CAMTA1: variants seen among roughly 807,000 people sequenced by gnomAD.
CAMTA1 encodes calmodulin binding transcription activator 1, also known as calmodulin-binding transcription activator 1.
In CAMTA1, 27 loss-of-function variants were observed where a neutral mutation model predicts 170.9. The observed-to-expected ratio is 0.16, with a 90% CI of 0.12 to 0.22. The LOEUF (loss-of-function observed/expected upper bound fraction) is 0.22. Ranked by LOEUF, CAMTA1 falls within the 10% of genes least tolerant of loss-of-function variation. The pLI is 1.00. For missense variants in CAMTA1, 1,619 were observed against 2,217.2 expected (o/e 0.73, Z 5.42); for synonymous variants, 833 against 891.5 (o/e 0.93, Z 1.17).
intron 12 of CAMTA1, among the ~76,000 whole-genome samples, chr1:7,734,493 G>A (rs2096756624): frequency 6.6e-6 from 1 of 151,898 alleles, no homozygotes; most frequent in Non-Finnish European, 1.5e-5. Context: ...TTCAGTAAAT[G>A]TCCGTGTTTG....
intron 5 of CAMTA1, among the ~76,000 whole-genome samples, chr1:7,276,303 A>ATATTTTTTTTTTTT: frequency 1.7e-4 from 4 of 24,228 alleles, no homozygotes; most frequent in East Asian, 3.0e-3. Context: ...ATATATATAT[A>ATATTTTTTTTTTTT]TTTTTTTTTT....
chr1:7,520,076 T>G (rs1443663005), intron 6 of CAMTA1, among the ~76,000 whole-genome samples: 2 of 149,336 alleles, frequency 1.3e-5, no homozygotes, highest in Non-Finnish European at 1.5e-5. Flanking sequence ...GCTCTCTTTG[T>G]GGACTCCCCA....
chr1:6,798,267 T>C (rs10864641), intron 1 of CAMTA1, among the ~76,000 whole-genome samples: 28,894 of 151,852 alleles, frequency 0.19, 2,827 homozygotes, highest in East Asian at 0.29. Flanking sequence ...GGATTACAGG[T>C]GTGAGCTACC....
chr1:7,281,104 A>G (rs941501795), intron 5 of CAMTA1, among the ~76,000 whole-genome samples: 5 of 152,252 alleles, frequency 3.3e-5, no homozygotes, highest in East Asian at 3.9e-4. Context: ...TATTCACCCA[A>G]CCAGCCACTT....
At position 7,542,334 on chromosome 1, in the gene CAMTA1, TATAAG is replaced by T. The variant is rs201330153; in HGVS notation, c.510+74436_510+74440del. Among the ~76,000 whole-genome samples the T allele has an allele frequency of 5.5e-3, 837 of 152,316 alleles. 3 individuals carry two copies. Among genetic ancestry groups the T allele is most frequent in the African/African-American group, 0.018 (740 of 41,574 alleles). On this transcript the variant is annotated intron_variant, in intron 6 of 22. Transcript: ENST00000303635. ...TTTTTTCTTTTCACAAAGTTGATAA[TATAAG>T]ATGAGGTTTAGTGTTTTGCTTTTTT...
At position 6,934,665 on chromosome 1, in the gene CAMTA1, C is replaced by T. The variant is rs1168665363; in HGVS notation, c.234+109455C>T. Among the ~76,000 whole-genome samples the T allele has an allele frequency of 1.3e-5, 2 of 152,114 alleles. No individual in the cohort carries two copies. The highest frequency in any genetic ancestry group is 2.9e-5 in the Non-Finnish European group (2 of 68,002). ...CCGAGATCCCGGGGCAAATGCCTCC[C>T]CTCCCTTCACCACCACCCCCTCCCC... On this transcript the variant is annotated intron_variant, in intron 3 of 22. Transcript: ENST00000303635. The surrounding 1 kb of genome is among the most constrained non-coding windows in gnomAD (Gnocchi z 4.5).
intron 4 of CAMTA1, among the ~76,000 whole-genome samples, chr1:7,192,086 G>A (rs940743342): frequency 6.6e-6 from 1 of 152,218 alleles, no homozygotes; most frequent in Non-Finnish European, 1.5e-5. Flanking sequence ...ACACATCTGA[G>A]ATGCATTATT....
At chr1:7,474,828 T>C (rs2149585439) in intron 6 of CAMTA1, among the ~76,000 whole-genome samples, 1 of 152,342 alleles carries the variant, frequency 6.6e-6, no homozygotes, top group East Asian at 1.9e-4. Flanking sequence ...AGCAGCTCTT[T>C]GGCAACCCAA....
At chr1:6,823,472 T>G (rs1176489455) in intron 2 of CAMTA1, among the ~76,000 whole-genome samples, 1 of 152,190 alleles carries the variant, frequency 6.6e-6, no homozygotes, top group Non-Finnish European at 1.5e-5. Flanking sequence ...GTTTTTAAAG[T>G]TTTTATACTG....
At chr1:7,231,734 C>T (rs565584205) in intron 4 of CAMTA1, among the ~76,000 whole-genome samples, 2 of 152,334 alleles carry the variant, frequency 1.3e-5, no homozygotes, top group Non-Finnish European at 2.9e-5. Flanking sequence ...CTCCCCTATG[C>T]GGCAGCCAGA....
intron 4 of CAMTA1, among the ~76,000 whole-genome samples, chr1:7,217,570 T>C (rs1004243314): frequency 6.6e-6 from 1 of 152,178 alleles, no homozygotes; most frequent in Non-Finnish European, 1.5e-5. Context: ...TGTATTATGT[T>C]CTACTTGCTG....
At chr1:7,223,415 G>A (rs921073817) in intron 4 of CAMTA1, among the ~76,000 whole-genome samples, 23 of 151,962 alleles carry the variant, frequency 1.5e-4, no homozygotes, top group Non-Finnish European at 2.9e-4. Flanking sequence ...TGTGATGGGA[G>A]GTAGGTGCTA....
At chr1:7,229,966 T>A (rs539795176) in intron 4 of CAMTA1, among the ~76,000 whole-genome samples, 1 of 152,128 alleles carries the variant, frequency 6.6e-6, no homozygotes, top group Non-Finnish European at 1.5e-5. Context: ...CCGGTTGGGC[T>A]GAAGCTCCAA....
chr1:7,267,540 A>T (rs1035277200), intron 5 of CAMTA1, among the ~76,000 whole-genome samples: 8 of 152,172 alleles, frequency 5.3e-5, no homozygotes, highest in Admixed American at 5.2e-4. Context: ...TCTCTGTAGC[A>T]GTGTGCCAGA....
In CAMTA1 at chr1:7,224,679, T is replaced by C. The variant is rs1306420152; in HGVS notation, c.303-24812T>C. Among the ~76,000 whole-genome samples, 1 of 152,148 alleles carries C rather than the reference T, an allele frequency of 6.6e-6. No homozygotes were observed. Among genetic ancestry groups the C allele is most frequent in the African/African-American group, 2.4e-5 (1 of 41,428 alleles). On this transcript the variant is annotated intron_variant, in intron 4 of 22. Coordinates refer to ENST00000303635, the MANE Select transcript of CAMTA1 (RefSeq NM_015215.4). The surrounding 1 kb of genome is among the most constrained non-coding windows in gnomAD (Gnocchi z 5.2). ...GCGCCTCTCCGCTGGTGTCATTGAT[T>C]GCTAAGGGCAAGGCTCTAGGGTTAG...
chr1:7,755,538 C>T, intron 21 of CAMTA1, 100 bp from the exon 22 acceptor site: 1 of 924,922 alleles, frequency 1.1e-6, no homozygotes, highest in South Asian at 1.4e-5. Context: ...AAAAAAGAAA[C>T]CATGTTATAT....
rs1669848072 is a variant in CAMTA1, at chr1:7,271,741, CAAAT to C, written c.438+22119_438+22122del. ...ATAGACAGATAGATGGATAGACAGA[CAAAT>C]AAAAGACCCAGGTGACTAAAATCAG... On this transcript the variant is annotated intron_variant, in intron 5 of 22. Transcript: ENST00000303635. 2.0e-5 allele frequency among the ~76,000 whole-genome samples: 3 copies of C among 151,998 alleles called. No individual in the cohort carries two copies. The South Asian group carries it at 6.2e-4, about 32-fold the overall frequency.
At chr1:6,866,784 G>C (rs1452442284) in intron 3 of CAMTA1, among the ~76,000 whole-genome samples, 1 of 152,114 alleles carries the variant, frequency 6.6e-6, no homozygotes, top group African/African-American at 2.4e-5. Flanking sequence ...GGTAATTTCA[G>C]GTTTGTGGCT....
chr1:7,157,119 A>G (rs1422197462), intron 4 of CAMTA1, among the ~76,000 whole-genome samples: 6 of 151,944 alleles, frequency 3.9e-5, no homozygotes, highest in Admixed American at 6.6e-5. Flanking sequence ...TGAGGTGGGC[A>G]GTTCACAAGG....
Sources: gnomAD v4.1 joint callset for allele counts (sites outside exome capture counted in the v4.1 genomes callset) on GRCh38, gnomAD v4.1.1 for gene constraint, Gnocchi (gnomAD v3.1) non-coding constraint, MANE v1.5 for transcripts, NCBI Gene and HGNC (gene_info 2026-07-23, HGNC 2026-07-21) for gene names.